Variants in MARCHF6 observed in about 807,000 individuals in gnomAD.
The protein encoded by MARCHF6 is E3 ubiquitin-protein ligase MARCHF6.
Under a neutral mutation model 133.7 loss-of-function variants are expected in MARCHF6, and 31 were observed. The ratio of observed to expected loss-of-function variants is 0.23; its 90% CI spans 0.17 to 0.31. The LOEUF (loss-of-function observed/expected upper bound fraction) is 0.31, where lower values mean the gene tolerates loss of function less well. MARCHF6 is among the 10% of genes least tolerant of loss of function. The pLI, the probability that MARCHF6 is intolerant of heterozygous loss-of-function variation, is 1.00. For missense variants in MARCHF6, 723 were observed against 1,121.6 expected (o/e 0.64, Z 5.08); for synonymous variants, 395 against 402.5 (o/e 0.98, Z 0.22).
chr5:10,387,426 C>T (rs1213396612), intron 5 of MARCHF6, among the ~76,000 whole-genome samples: 1 of 151,934 alleles, frequency 6.6e-6, no homozygotes, highest in African/African-American at 2.4e-5. Flanking sequence ...CCTCAGCCTC[C>T]AGAGTAGCTG....
In MARCHF6 at chr5:10,426,405, A is replaced by G. The variant is rs541296864; in HGVS notation, c.2389A>G (p.Ile797Val). The G allele has an allele frequency of 2.5e-6, 4 of 1,613,722 alleles. No individual in the cohort carries two copies. The highest frequency in any genetic ancestry group is 2.5e-6 in the Non-Finnish European group (3 of 1,179,854). ...TVIEQVYANG[I>V]RNIDLHYIVR... ...AATGTTTCAGGTTTACGCAAATGGCATCCGGAACATTGACCTTCACTATAT... is the reference window on the plus strand; with the variant it reads ...AATGTTTCAGGTTTACGCAAATGGCGTCCGGAACATTGACCTTCACTATAT... Residue 797 changes from isoleucine to valine, a missense_variant, in exon 24 of 26, where the codon ATC (isoleucine) becomes GTC (valine). Around this residue, in one of 4 missense-constraint regions of MARCHF6, gnomAD observed 492 missense variants for 699.5 expected, o/e 0.70. Transcript: ENST00000274140.
At chr5:10,389,328 C>A (rs1229840981) in intron 5 of MARCHF6, among the ~76,000 whole-genome samples, 2 of 152,154 alleles carry the variant, frequency 1.3e-5, no homozygotes, top group East Asian at 3.8e-4. Context: ...CTTTGCCTTT[C>A]TGAATTTGTT....
At chr5:10,384,152 G>T (rs1166610936) in intron 4 of MARCHF6, among the ~76,000 whole-genome samples, 3 of 152,130 alleles carry the variant, frequency 2.0e-5, no homozygotes, top group Non-Finnish European at 4.4e-5. Context: ...AAATTAATTT[G>T]AGATGAATTT....
intron 1 of MARCHF6, among the ~76,000 whole-genome samples, chr5:10,365,289 T>C (rs1736073435): frequency 6.6e-6 from 1 of 151,900 alleles, no homozygotes; most frequent in South Asian, 2.1e-4. Context: ...ACATAGAGAA[T>C]TGGAATTATT....
intron 5 of MARCHF6, among the ~76,000 whole-genome samples, chr5:10,388,585 T>C (rs1034720161): frequency 2.6e-5 from 4 of 152,230 alleles, no homozygotes; most frequent in Admixed American, 6.5e-5. Context: ...TCTATTGGGC[T>C]TGCCTAGGTC....
intron 1 of MARCHF6, among the ~76,000 whole-genome samples, chr5:10,371,690 C>T (rs946562273): frequency 2.6e-5 from 4 of 152,176 alleles, no homozygotes; most frequent in African/African-American, 7.2e-5. Context: ...CAAACCATAT[C>T]AGTAGGTAAT....
chr5:10,355,947 T>G (rs1373189689), intron 1 of MARCHF6, among the ~76,000 whole-genome samples: 1 of 152,248 alleles, frequency 6.6e-6, no homozygotes, highest in African/African-American at 2.4e-5. Context: ...AAACTTTATT[T>G]TGCTTTATTT....
chr5:10,390,238 T>TC (rs1737740449), intron 5 of MARCHF6, 94 bp from the exon 6 acceptor site: 1 of 936,164 alleles, frequency 1.1e-6, no homozygotes, highest in Non-Finnish European at 1.6e-6. Context: ...GTTTTTTTTT[T>TC]TTCTGAGACT....
intron 1 of MARCHF6, among the ~76,000 whole-genome samples, chr5:10,357,687 C>G (rs1735561739): frequency 1.3e-5 from 2 of 152,174 alleles, no homozygotes; most frequent in South Asian, 2.1e-4. Context: ...CACGCATTAC[C>G]TTTCACTGTT....
intron 7 of MARCHF6, among the ~76,000 whole-genome samples, chr5:10,392,386 C>CTT (rs1737914715): frequency 6.6e-6 from 1 of 152,160 alleles, no homozygotes; most frequent in South Asian, 2.1e-4. Context: ...TTCCATGTCC[C>CTT]TTGAGTCAGT....
At chr5:10,401,978 T>C (rs779066040) in intron 11 of MARCHF6, 81 bp from the exon 12 acceptor site, 2 of 809,052 alleles carry the variant, frequency 2.5e-6, no homozygotes, top group Non-Finnish European at 4.3e-6. Context: ...CTTTTAGTCA[T>C]TTAGATTGTT....
chr5:10,359,868 T>G (rs139081465), intron 1 of MARCHF6, among the ~76,000 whole-genome samples: 6,212 of 152,004 alleles, frequency 0.041, 191 homozygotes, highest in South Asian at 0.081. Context: ...TAGCTGGATG[T>G]GGTGGCGGGT....
chr5:10,394,829 TC>T, intron 9 of MARCHF6, 44 bp downstream of exon 9: 1 of 1,264,512 alleles, frequency 7.9e-7, no homozygotes, highest in Non-Finnish European at 1.1e-6. Context: ...AGACGGAATC[TC>T]ACTCTGTCAC....
chr5:10,408,538 A>G (rs185390390), intron 17 of MARCHF6, among the ~76,000 whole-genome samples: 1 of 152,226 alleles, frequency 6.6e-6, no homozygotes, highest in Admixed American at 6.5e-5. Flanking sequence ...AGGTTTTTAA[A>G]TTTTATTTTA....
chr5:10,428,331 G>GTTTTT (rs10604024), intron 24 of MARCHF6, among the ~76,000 whole-genome samples: 3 of 75,784 alleles, frequency 4.0e-5, no homozygotes, highest in African/African-American at 1.1e-4. Context: ...TTGCTTTTTA[G>GTTTTT]TTTTTTTTTT....
At chr5:10,431,986 A>G (rs1447013074) in intron 25 of MARCHF6, among the ~76,000 whole-genome samples, 1 of 152,222 alleles carries the variant, frequency 6.6e-6, no homozygotes, top group Non-Finnish European at 1.5e-5. Flanking sequence ...TGGGGTAAGG[A>G]ATGGCTAACT....
At chr5:10,421,287 T>C (rs1365387246) in intron 22 of MARCHF6, among the ~76,000 whole-genome samples, 1 of 152,144 alleles carries the variant, frequency 6.6e-6, no homozygotes, top group East Asian at 1.9e-4. Flanking sequence ...TGTCCACCAA[T>C]AGAGAATGCC....
chr5:10,403,393 C>G lies in MARCHF6; in HGVS notation c.1198-14C>G, dbSNP rs146633619. On this transcript the variant is annotated splice_polypyrimidine_tract_variant and intron_variant, in intron 14 of 25. Coordinates refer to ENST00000274140, the MANE Select transcript of MARCHF6 (RefSeq NM_005885.4). ...GGGGCACAGATTTCTCTTACCTGTC[C>G]TCTTTTGTCTCAGGAAATGTTTGAT... is the stretch of plus-strand genomic sequence containing the variant. The G allele has an allele frequency of 9.7e-4, 1,567 of 1,607,306 alleles. 10 individuals carry two copies. Among genetic ancestry groups the G allele is most frequent in the South Asian group, 8.3e-3 (747 of 89,622 alleles).
intron 17 of MARCHF6, among the ~76,000 whole-genome samples, chr5:10,409,130 GA>G (rs1274920439): frequency 1.3e-5 from 2 of 151,974 alleles, no homozygotes; most frequent in African/African-American, 4.8e-5. Flanking sequence ...CTCTTATTTG[GA>G]TCTTAATGCT....
Sources: allele counts gnomAD v4.1 joint callset (sites outside exome capture counted in the v4.1 genomes callset), GRCh38; gene constraint gnomAD v4.1.1; regional missense constraint gnomAD v4.1.1; transcripts MANE v1.5; gene names NCBI Gene and HGNC (gene_info 2026-07-23, HGNC 2026-07-21).